Variants in DCC observed in about 807,000 individuals in gnomAD.
DCC encodes netrin receptor DCC.
DCC carries 58 observed loss-of-function variants against 172.5 expected under a neutral mutation model. That is an observed-to-expected ratio of 0.34 (90% CI 0.27 to 0.42). The LOEUF is 0.42. Ranked by LOEUF, DCC falls within the 10% of genes least tolerant of loss-of-function variation. The pLI is 1.00. For missense variants in DCC, 1,740 were observed against 1,791.0 expected (o/e 0.97, Z 0.51); for synonymous variants, 709 against 644.5 (o/e 1.10, Z -1.52).
intron 2 of DCC, among the ~76,000 whole-genome samples, chr18:52,868,479 T>G (rs2039264524): frequency 6.6e-6 from 1 of 152,186 alleles, no homozygotes; most frequent in African/African-American, 2.4e-5. Context: ...AAACCGCTGT[T>G]GCAAAAGTAT....
At chr18:52,415,894 T>C (rs1264820236) in intron 1 of DCC, among the ~76,000 whole-genome samples, 3 of 152,210 alleles carry the variant, frequency 2.0e-5, no homozygotes, top group Non-Finnish European at 2.9e-5. Context: ...CTGATTTTAG[T>C]TATTTCTTGC....
intron 8 of DCC, among the ~76,000 whole-genome samples, chr18:53,158,486 T>A (rs945129740): frequency 1.3e-5 from 2 of 152,124 alleles, no homozygotes; most frequent in Non-Finnish European, 2.9e-5. Flanking sequence ...GCTGTAAACA[T>A]GTGATGATCT....
intron 1 of DCC, among the ~76,000 whole-genome samples, chr18:52,666,382 A>T (rs955253101): frequency 2.0e-5 from 3 of 152,240 alleles, no homozygotes; most frequent in African/African-American, 7.2e-5. Context: ...CCTACTATGT[A>T]CTTAAGGGAT....
intron 3 of DCC, among the ~76,000 whole-genome samples, chr18:52,921,912 A>T (rs2040132512): frequency 6.6e-6 from 1 of 151,952 alleles, no homozygotes; most frequent in Admixed American, 6.6e-5. Flanking sequence ...CGAGGAGCAG[A>T]TGGTAAAAGT....
At chr18:53,455,964 T>C (rs541866974) in intron 23 of DCC, among the ~76,000 whole-genome samples, 14 of 152,240 alleles carry the variant, frequency 9.2e-5, no homozygotes, top group African/African-American at 3.4e-4. Flanking sequence ...AAATAAGTGT[T>C]GTAAAACAAT....
chr18:52,803,695 A>G (rs1362817998), intron 2 of DCC, among the ~76,000 whole-genome samples: 2 of 152,186 alleles, frequency 1.3e-5, no homozygotes, highest in African/African-American at 2.4e-5. Flanking sequence ...ATCTCTACAT[A>G]TAAGTGGAGC....
chr18:52,509,449 GA>G (rs2031354571), intron 1 of DCC, among the ~76,000 whole-genome samples: 2 of 152,132 alleles, frequency 1.3e-5, no homozygotes, highest in African/African-American at 4.8e-5. Context: ...ATTTGACCAT[GA>G]ATTGATTTAA....
chr18:52,519,252 G>A (rs964895572), intron 1 of DCC, among the ~76,000 whole-genome samples: 1 of 152,132 alleles, frequency 6.6e-6, no homozygotes, highest in African/African-American at 2.4e-5. Flanking sequence ...AGGTTTATCT[G>A]TTCTGTGCCT....
At chr18:53,441,793 AGTGGTCTTCT>A (rs1912292649) in intron 22 of DCC, among the ~76,000 whole-genome samples, 1 of 152,196 alleles carries the variant, frequency 6.6e-6, no homozygotes, top group African/African-American at 2.4e-5. Flanking sequence ...CAACAGCCAG[AGTGGTCTTCT>A]TAAAACAAAT....
intron 14 of DCC, among the ~76,000 whole-genome samples, chr18:53,330,946 A>G (rs995328787): frequency 1.3e-5 from 2 of 152,172 alleles, no homozygotes; most frequent in Non-Finnish European, 2.9e-5. Context: ...CATAGTACTC[A>G]ATAATAAGTG....
At chr18:53,480,115 T>C (rs923814519) in intron 25 of DCC, among the ~76,000 whole-genome samples, 2 of 152,198 alleles carry the variant, frequency 1.3e-5, no homozygotes, top group African/African-American at 4.8e-5. Flanking sequence ...CTATTTCATA[T>C]ATCTGGGCTT....
chr18:53,042,647 A>C (rs1446653034), intron 5 of DCC, among the ~76,000 whole-genome samples: 1 of 152,066 alleles, frequency 6.6e-6, no homozygotes, highest in Non-Finnish European at 1.5e-5. Flanking sequence ...AAGTGGGCGA[A>C]GTATATGAAC....
At chr18:52,495,751 T>A (rs1315480010) in intron 1 of DCC, among the ~76,000 whole-genome samples, 1 of 150,238 alleles carries the variant, frequency 6.7e-6, no homozygotes, top group African/African-American at 2.5e-5. Context: ...TTATTTATTT[T>A]ATTTTTTTAT....
At chr18:53,231,731 AGT>A (rs2056124204) in intron 12 of DCC, among the ~76,000 whole-genome samples, 1 of 152,066 alleles carries the variant, frequency 6.6e-6, no homozygotes, top group African/African-American at 2.4e-5. Context: ...TTTAATCCTC[AGT>A]GTGTTAGATT....
At chr18:53,155,902 C>T (rs1598855963) in intron 7 of DCC, among the ~76,000 whole-genome samples, 1 of 152,280 alleles carries the variant, frequency 6.6e-6, no homozygotes. Context: ...TGGTGTGTGC[C>T]TGTAATCCCA....
intron 7 of DCC, among the ~76,000 whole-genome samples, chr18:53,148,870 T>TC (rs1365343382): frequency 6.9e-6 from 1 of 145,658 alleles, no homozygotes; most frequent in Admixed American, 6.8e-5. Context: ...AATGCCTTTT[T>TC]TTTTTTTTTT....
In DCC at chr18:53,391,828, G is replaced by GA; in HGVS notation, c.2630dup (p.Val878GlyfsTer40). ...TGTCCCTAAGAACCAAAAGACGTCT[G>GA]AGGTGCGACTTTACACCGTCCGGTG... On this transcript the variant is annotated frameshift_variant, in exon 17 of 29. Transcript: ENST00000442544. LOFTEE classifies it high-confidence loss of function. The GA allele has an allele frequency of 6.2e-7, 1 of 1,614,006 alleles. No individual in the cohort carries two copies. Among genetic ancestry groups the GA allele is most frequent in the South Asian group, 1.1e-5 (1 of 91,078 alleles).
chr18:53,339,080 T>C (rs1168038669), intron 14 of DCC, among the ~76,000 whole-genome samples: 1 of 152,220 alleles, frequency 6.6e-6, no homozygotes. Context: ...GACACAGAGC[T>C]GGTAAATGAC....
At position 52,887,306 on chromosome 18, in the gene DCC, G is replaced by GT. The variant is rs148818851; in HGVS notation, c.413-18726dup. 2.0e-3 allele frequency among the ~76,000 whole-genome samples: 287 copies of GT among 146,762 alleles called. 2 individuals carry two copies. Among genetic ancestry groups the GT allele is most frequent in the Middle Eastern group, 7.2e-3 (2 of 278 alleles). The stretch of plus-strand genomic sequence containing the variant: ...TAGCATTTAGAAACAATCATCAATG[G>GT]TTTTTTTTTTTTAAACTATCATCAA... On this transcript the variant is annotated intron_variant, in intron 2 of 28. Transcript: ENST00000442544.
Sources: allele counts gnomAD v4.1 joint callset (sites outside exome capture counted in the v4.1 genomes callset), GRCh38; gene constraint gnomAD v4.1.1; transcripts MANE v1.5; gene names NCBI Gene and HGNC (gene_info 2026-07-23, HGNC 2026-07-21).